CSMD1: variants seen among roughly 807,000 people sequenced by gnomAD.
CSMD1 encodes CUB and sushi domain-containing protein 1.
In CSMD1, 213 loss-of-function variants were observed where a neutral mutation model predicts 417.5. The observed-to-expected ratio is 0.51, with a 90% CI of 0.46 to 0.57. The LOEUF (loss-of-function observed/expected upper bound fraction) is 0.57. CSMD1 is among the 20% of genes least tolerant of loss of function. The probability of loss-of-function intolerance (pLI) is 0.00; values close to 1 mark genes in which losing one functional copy is unlikely to be tolerated. For synonymous variants in CSMD1, 2,862 were observed against 1,736.8 expected (o/e 1.65, Z -16.11); for missense variants, 6,923 against 4,529.7 (o/e 1.53, Z -15.17).
chr8:3,638,097 G>A (rs948147648), intron 7 of CSMD1, among the ~76,000 whole-genome samples: 1 of 152,074 alleles, frequency 6.6e-6, no homozygotes, highest in African/African-American at 2.4e-5. Flanking sequence ...TCAAATCAAG[G>A]AGCTCAGATT....
intron 3 of CSMD1, among the ~76,000 whole-genome samples, chr8:4,035,424 C>A (rs1044932834): frequency 1.3e-5 from 2 of 152,096 alleles, no homozygotes; most frequent in African/African-American, 4.8e-5. Context: ...TGTAAAACAA[C>A]CTTAGTCAGG....
chr8:4,302,047 T>G lies in CSMD1; in HGVS notation c.415+117906A>C, dbSNP rs527379545. ...ACAAATATTTTTTGAAATCCCTAAT[T>G]TTTTCATTAGAATTTTCCACAAACT... On this transcript the variant is annotated intron_variant, in intron 3 of 69. Transcript: ENST00000635120. Among the ~76,000 whole-genome samples, 10 of 152,294 alleles carry G rather than the reference T, an allele frequency of 6.6e-5. No individual in the cohort carries two copies. In the South Asian group the frequency reaches 1.7e-3, roughly 25 times the overall value.
intron 1 of CSMD1, among the ~76,000 whole-genome samples, chr8:4,722,939 C>T (rs960700276): frequency 3.3e-5 from 5 of 152,134 alleles, no homozygotes; most frequent in African/African-American, 9.7e-5. Context: ...CTTTTCAGAT[C>T]TAAGCTCGGT....
intron 1 of CSMD1, among the ~76,000 whole-genome samples, chr8:4,961,311 C>T (rs762518485): frequency 6.6e-6 from 1 of 152,122 alleles, no homozygotes; most frequent in Non-Finnish European, 1.5e-5. Context: ...CATTATTCCA[C>T]CGAAGACCTC....
intron 5 of CSMD1, among the ~76,000 whole-genome samples, chr8:3,811,692 G>A (rs1801091464): frequency 6.6e-6 from 1 of 152,084 alleles, no homozygotes; most frequent in South Asian, 2.1e-4. Flanking sequence ...CTAGATGGAT[G>A]TTTGTTTTTG....
chr8:3,069,029 C>T (rs1389050480), intron 49 of CSMD1, among the ~76,000 whole-genome samples: 3 of 152,098 alleles, frequency 2.0e-5, no homozygotes, highest in Non-Finnish European at 4.4e-5. Context: ...CAAGGCAAAT[C>T]CCTTCCATTT....
chr8:4,096,888 G>A (rs1801041063), intron 3 of CSMD1, among the ~76,000 whole-genome samples: 1 of 152,240 alleles, frequency 6.6e-6, no homozygotes, highest in Admixed American at 6.5e-5. Flanking sequence ...CAATTTTAAA[G>A]CTCTCAGTTG....
intron 1 of CSMD1, among the ~76,000 whole-genome samples, chr8:4,726,500 A>T (rs1200446348): frequency 6.6e-6 from 1 of 152,070 alleles, no homozygotes; most frequent in Non-Finnish European, 1.5e-5. Flanking sequence ...TTCAAATAAG[A>T]CCTCAATGGA....
intron 3 of CSMD1, among the ~76,000 whole-genome samples, chr8:4,169,327 A>T (rs768439105): frequency 6.6e-6 from 1 of 152,140 alleles, no homozygotes; most frequent in Non-Finnish European, 1.5e-5. Context: ...GGTCCCTCCC[A>T]TGTGCCTTCT....
intron 12 of CSMD1, among the ~76,000 whole-genome samples, chr8:3,457,992 C>T (rs1166265178): frequency 1.3e-5 from 2 of 152,192 alleles, no homozygotes; most frequent in Non-Finnish European, 2.9e-5. Flanking sequence ...GTTAATTTCA[C>T]AAGCTCTTTC....
At chr8:4,243,435 G>C (rs1802519447) in intron 3 of CSMD1, among the ~76,000 whole-genome samples, 1 of 152,088 alleles carries the variant, frequency 6.6e-6, no homozygotes, top group African/African-American at 2.4e-5. Context: ...TTGTTCCCCT[G>C]TAACTGACAC....
intron 5 of CSMD1, among the ~76,000 whole-genome samples, chr8:3,758,927 AG>A (rs2129055366): frequency 6.6e-6 from 1 of 152,300 alleles, no homozygotes; most frequent in East Asian, 1.9e-4. Flanking sequence ...CAGGTAGAAG[AG>A]CCTGTGGACA....
intron 1 of CSMD1, among the ~76,000 whole-genome samples, chr8:4,776,147 G>T (rs1388686360): frequency 1.3e-5 from 2 of 152,100 alleles, no homozygotes; most frequent in Non-Finnish European, 2.9e-5. Context: ...ACACCAAGGT[G>T]AAGAAGAGAT....
chr8:3,440,327 G>A (rs536711435), intron 12 of CSMD1, among the ~76,000 whole-genome samples: 10 of 152,184 alleles, frequency 6.6e-5, no homozygotes, highest in African/African-American at 2.2e-4. Context: ...TCTTTCAATA[G>A]CATTGTATAG....
intron 1 of CSMD1, among the ~76,000 whole-genome samples, chr8:4,763,540 G>A (rs937935136): frequency 1.3e-5 from 2 of 152,038 alleles, no homozygotes; most frequent in African/African-American, 2.4e-5. Flanking sequence ...TATGGTTGGG[G>A]CACCATAGAA....
At chr8:4,289,526 G>A (rs939086961) in intron 3 of CSMD1, among the ~76,000 whole-genome samples, 4 of 152,164 alleles carry the variant, frequency 2.6e-5, no homozygotes, top group Non-Finnish European at 5.9e-5. Flanking sequence ...TGAGCAAGAT[G>A]TAACACTTTC....
chr8:3,356,486 T>C (rs749690769), intron 21 of CSMD1, among the ~76,000 whole-genome samples: 1 of 151,992 alleles, frequency 6.6e-6, no homozygotes. Flanking sequence ...ACCAGCCTGG[T>C]CAACATGGTG....
chr8:4,099,347 C>T (rs1371970854), intron 3 of CSMD1, among the ~76,000 whole-genome samples: 2 of 152,198 alleles, frequency 1.3e-5, no homozygotes, highest in Non-Finnish European at 2.9e-5. Context: ...TTTTCAACAT[C>T]TGTTCAGTCA....
At chr8:3,549,618 C>G (rs929381275) in intron 10 of CSMD1, among the ~76,000 whole-genome samples, 1 of 152,136 alleles carries the variant, frequency 6.6e-6, no homozygotes, top group African/African-American at 2.4e-5. Flanking sequence ...TTTTTAAAAA[C>G]AGGAGGAGAA....
Sources: gnomAD v4.1 joint callset for allele counts (sites outside exome capture counted in the v4.1 genomes callset) on GRCh38, gnomAD v4.1.1 for gene constraint, MANE v1.5 for transcripts, NCBI Gene and HGNC (gene_info 2026-07-23, HGNC 2026-07-21) for gene names.